The following DNAH11 variants were observed in gnomAD, a reference collection of about 807,000 sequenced individuals.
DNAH11 encodes axonemal beta dynein heavy chain 11.
Under a neutral mutation model 526.0 loss-of-function variants are expected in DNAH11, and 442 were observed. The ratio of observed to expected loss-of-function variants is 0.84; its 90% CI spans 0.78 to 0.91. DNAH11 has a LOEUF of 0.91. Ranked by LOEUF, DNAH11 falls within the 40% of genes least tolerant of loss-of-function variation. The pLI, the probability that DNAH11 is intolerant of heterozygous loss-of-function variation, is 0.00. For synonymous variants in DNAH11, 2,461 were observed against 1,935.9 expected (o/e 1.27, Z -7.12); for missense variants, 6,989 against 5,448.7 (o/e 1.28, Z -8.90).
chr7:21,705,600 G>T, intron 39 of DNAH11, 63 bp downstream of exon 39: 1 of 1,541,762 alleles, frequency 6.5e-7, no homozygotes, highest in Admixed American at 1.8e-5. Context: ...TTGTGGTTCG[G>T]CCTATTTTCA....
chr7:21,846,749 C>A (rs940542418), intron 66 of DNAH11, among the ~76,000 whole-genome samples: 1 of 152,084 alleles, frequency 6.6e-6, no homozygotes, highest in African/African-American at 2.4e-5. Context: ...AATGTTCCCT[C>A]TGCTTCTATT....
chr7:21,837,433 G>A (rs148622845), intron 65 of DNAH11, among the ~76,000 whole-genome samples: 4 of 152,320 alleles, frequency 2.6e-5, no homozygotes, highest in African/African-American at 9.6e-5. Flanking sequence ...TGGCAACATG[G>A]ATGAACCTGG....
chr7:21,854,187 G>A, intron 67 of DNAH11, 128 bp from the exon 68 acceptor site: 1 of 897,806 alleles, frequency 1.1e-6, no homozygotes, highest in Non-Finnish European at 1.6e-6. Context: ...CGAGCACATG[G>A]ATGCCATGCA....
chr7:21,880,989 C>A, intron 75 of DNAH11, 96 bp downstream of exon 75: 1 of 1,167,672 alleles, frequency 8.6e-7, no homozygotes, highest in Non-Finnish European at 1.2e-6. Flanking sequence ...TCTTTTGAAG[C>A]TATTATTGAA....
intron 65 of DNAH11, among the ~76,000 whole-genome samples, chr7:21,822,762 C>A (rs569202056): frequency 6.6e-6 from 1 of 151,990 alleles, no homozygotes; most frequent in Non-Finnish European, 1.5e-5. Flanking sequence ...CCCTTTCTCA[C>A]ATTTGTTATT....
intron 2 of DNAH11, 125 bp downstream of exon 2, chr7:21,545,274 T>TAAA (rs10634177): frequency 0.027 from 3,482 of 131,004 alleles, 122 homozygotes; most frequent in East Asian, 0.054. Context: ...TGGGGGTGGT[T>TAAA]AAAAAAAAAA....
At chr7:21,818,649 G>T (rs947187242) in intron 65 of DNAH11, among the ~76,000 whole-genome samples, 1 of 152,106 alleles carries the variant, frequency 6.6e-6, no homozygotes, top group African/African-American at 2.4e-5. Flanking sequence ...GTAATTTGCA[G>T]AACACCTTGA....
intron 28 of DNAH11, among the ~76,000 whole-genome samples, chr7:21,643,557 T>C (rs938175571): frequency 6.6e-6 from 1 of 152,222 alleles, no homozygotes; most frequent in African/African-American, 2.4e-5. Context: ...ACTGAGCACT[T>C]GAAATGTGGC....
chr7:21,728,657 A>T (rs1479169274), intron 45 of DNAH11, among the ~76,000 whole-genome samples: 1 of 152,166 alleles, frequency 6.6e-6, no homozygotes, highest in Non-Finnish European at 1.5e-5. Context: ...CTATCAGTTC[A>T]TTTCATGAAT....
chr7:21,659,154 AT>A, intron 30 of DNAH11, 123 bp downstream of exon 30: 1 of 842,088 alleles, frequency 1.2e-6, no homozygotes, highest in Non-Finnish European at 1.8e-6. Context: ...TGCTGGGAAG[AT>A]TTTAGCAATC....
intron 40 of DNAH11, among the ~76,000 whole-genome samples, chr7:21,709,283 G>A (rs1200705644): frequency 6.6e-6 from 1 of 152,198 alleles, no homozygotes; most frequent in Non-Finnish European, 1.5e-5. Flanking sequence ...CAACATGGAT[G>A]TAGCTGGAGA....
intron 73 of DNAH11, among the ~76,000 whole-genome samples, chr7:21,871,373 A>T (rs1783489303): frequency 1.3e-5 from 2 of 152,232 alleles, no homozygotes; most frequent in Admixed American, 1.3e-4. Context: ...ATAAGAATCT[A>T]GCCAGTCCCA....
intron 76 of DNAH11, among the ~76,000 whole-genome samples, chr7:21,890,901 A>G (rs1784303643): frequency 6.6e-6 from 1 of 152,192 alleles, no homozygotes; most frequent in African/African-American, 2.4e-5. Flanking sequence ...GATAACTTGA[A>G]AATCCTCCCG....
intron 63 of DNAH11, among the ~76,000 whole-genome samples, chr7:21,810,196 T>A (rs1789452659): frequency 6.6e-6 from 1 of 152,170 alleles, no homozygotes; most frequent in Non-Finnish European, 1.5e-5. Context: ...AGTAATAGAT[T>A]TGCACGATGT....
chr7:21,546,638 C>T (rs1010415004), intron 2 of DNAH11, among the ~76,000 whole-genome samples: 12 of 152,238 alleles, frequency 7.9e-5, no homozygotes, highest in Non-Finnish European at 1.8e-4. Flanking sequence ...TGTTTCCATA[C>T]CAGAGTGTAT....
intron 80 of DNAH11, 95 bp from the exon 81 acceptor site, chr7:21,899,885 C>A: frequency 6.8e-7 from 1 of 1,469,110 alleles, no homozygotes; most frequent in Non-Finnish European, 9.2e-7. Context: ...CTAAAACACC[C>A]TATGGGACTA....
chr7:21,784,431 C>T lies in DNAH11; in HGVS notation c.9488C>T (p.Thr3163Ile), dbSNP rs1450055499. The T allele has an allele frequency of 6.2e-7, 1 of 1,611,832 alleles. No homozygotes were observed. Among genetic ancestry groups the T allele is most frequent in the Non-Finnish European group, 8.5e-7 (1 of 1,178,642 alleles). Residue 3163 changes from threonine (T) to isoleucine (I), a missense_variant, in exon 58 of 82, where the codon ACA (threonine) becomes ATA (isoleucine). Transcript: ENST00000409508. ...TIADAEERKVTAIQTEVFQKQ... is the reference protein window; with the variant it reads ...TIADAEERKVIAIQTEVFQKQ... ...GTGCTTTTCCTCTTTAATTAGGTGA[C>T]AGCCATTCAGACTGAAGTGTTCCAG...
chr7:21,748,551 G>T (rs368420873), intron 51 of DNAH11, 29 bp from the exon 52 acceptor site: 8 of 1,450,114 alleles, frequency 5.5e-6, no homozygotes, highest in Non-Finnish European at 2.7e-6. Flanking sequence ...TTTCGATTTT[G>T]TGCCATAATG....
chr7:21,821,421 A>G (rs1019841619), intron 65 of DNAH11, among the ~76,000 whole-genome samples: 18 of 152,184 alleles, frequency 1.2e-4, no homozygotes, highest in African/African-American at 3.6e-4. Flanking sequence ...TACAGCCAGA[A>G]AAACAGAGGG....
Sources: gnomAD v4.1 joint callset for allele counts (sites outside exome capture counted in the v4.1 genomes callset) on GRCh38, gnomAD v4.1.1 for gene constraint, MANE v1.5 for transcripts, NCBI Gene and HGNC (gene_info 2026-07-23, HGNC 2026-07-21) for gene names.